Variants in STPG2 observed in about 807,000 individuals in gnomAD.
STPG2 encodes the protein sperm-tail PG-rich repeat-containing protein 2.
In STPG2, 56 loss-of-function variants were observed where a neutral mutation model predicts 54.2. The ratio of observed to expected loss-of-function variants is 1.03; its 90% CI spans 0.83 to 1.29. STPG2 has a LOEUF of 1.29. Ranked by LOEUF, STPG2 falls within the 50% of genes most tolerant of loss-of-function variation. The pLI, the probability that STPG2 is intolerant of heterozygous loss-of-function variation, is 0.00. For synonymous variants in STPG2, 200 were observed against 181.8 expected, an observed-to-expected ratio of 1.10 and a Z score of -0.81; for missense variants, 596 against 544.9, an observed-to-expected ratio of 1.09 and a Z score of -0.93.
intron 9 of STPG2, among the ~76,000 whole-genome samples, chr4:97,796,803 T>G (rs1197180837): frequency 6.6e-6 from 1 of 151,692 alleles, no homozygotes; most frequent in African/African-American, 2.4e-5. Context: ...GTATGGTCAT[T>G]TTCATGATTC....
chr4:97,943,897 C>T lies in STPG2; in HGVS notation c.1044G>A (p.Met348Ile). 4 of 1,553,656 alleles carry T rather than the reference C, an allele frequency of 2.6e-6. No individual in the cohort carries two copies. The highest frequency in any genetic ancestry group is 1.4e-5 in the African/African-American group (1 of 71,402). The change falls in exon 8 of 11, where the codon ATG becomes ATA. Residue 348 changes from methionine (M) to isoleucine (I), a missense_variant and splice_region_variant. Met to Ile is a conservative substitution (Grantham distance 10). Coordinates refer to ENST00000295268, the MANE Select transcript of STPG2 (RefSeq NM_174952.3). ...RAKRTMKVPD[M>I]VIPAPGSYDV... Reference sequence around the variant, plus strand: ...TATTTGATTGTAGGAGTATTCTTACCATATCTGGTACTTTCATAGTTCTTT... The same window carrying T: ...TATTTGATTGTAGGAGTATTCTTACTATATCTGGTACTTTCATAGTTCTTT...
chr4:98,133,683 G>A (rs917983267), intron 2 of STPG2, among the ~76,000 whole-genome samples: 4 of 151,962 alleles, frequency 2.6e-5, no homozygotes, highest in African/African-American at 7.2e-5. Flanking sequence ...CATTACCATA[G>A]GCTCTATGAT....
chr4:97,577,496 A>G (rs771091766), intron 10 of STPG2, among the ~76,000 whole-genome samples: 5 of 152,178 alleles, frequency 3.3e-5, no homozygotes, highest in African/African-American at 7.2e-5. Context: ...AGAAAAACAA[A>G]TACCGCCTGT....
chr4:97,901,058 TCCTTGTAA>T (rs1365894230), intron 8 of STPG2, among the ~76,000 whole-genome samples: 1 of 152,020 alleles, frequency 6.6e-6, no homozygotes, highest in Non-Finnish European at 1.5e-5. Context: ...AATGCAATTG[TCCTTGTAA>T]CATATTGAAT....
At chr4:97,580,707 C>G (rs1732842941) in intron 10 of STPG2, among the ~76,000 whole-genome samples, 1 of 152,064 alleles carries the variant, frequency 6.6e-6, no homozygotes, top group South Asian at 2.1e-4. Context: ...TAATCCTACT[C>G]TATCCTAGCT....
intron 10 of STPG2, among the ~76,000 whole-genome samples, chr4:97,682,391 C>T (rs553545278): frequency 6.6e-6 from 1 of 151,824 alleles, no homozygotes; most frequent in East Asian, 1.9e-4. Context: ...ACAAAAATTA[C>T]ATCACAAAGA....
At chr4:97,650,146 A>G (rs927319825) in intron 10 of STPG2, among the ~76,000 whole-genome samples, 1 of 152,146 alleles carries the variant, frequency 6.6e-6, no homozygotes, top group Non-Finnish European at 1.5e-5. Context: ...CTCAGGCAGT[A>G]ATGCAAGCAG....
chr4:97,481,570 GTTA>G (rs1730221612), intron 4 of STPG2, among the ~76,000 whole-genome samples: 1 of 151,510 alleles, frequency 6.6e-6, no homozygotes, highest in South Asian at 2.1e-4. Flanking sequence ...AACATGTTTT[GTTA>G]AATGTATCCC....
intron 4 of STPG2, among the ~76,000 whole-genome samples, chr4:97,472,600 TATTA>T (rs1172283797): frequency 4.6e-5 from 7 of 152,186 alleles, no homozygotes; most frequent in African/African-American, 1.4e-4. Context: ...ATAAACTAAT[TATTA>T]ATTATTTTAT....
At chr4:97,534,030 A>G (rs1232781951) in intron 4 of STPG2, among the ~76,000 whole-genome samples, 1 of 152,170 alleles carries the variant, frequency 6.6e-6, no homozygotes, top group Non-Finnish European at 1.5e-5. Context: ...TACAAGCAAC[A>G]TATGAGAGTT....
intron 4 of STPG2, among the ~76,000 whole-genome samples, chr4:97,519,104 T>A (rs1447286507): frequency 5.3e-5 from 8 of 152,246 alleles, no homozygotes; most frequent in Admixed American, 2.6e-4. Flanking sequence ...GGTTTAGATT[T>A]AAGACCGAAT....
intron 10 of STPG2, among the ~76,000 whole-genome samples, chr4:97,642,034 A>C (rs553509475): frequency 6.6e-6 from 1 of 151,526 alleles, no homozygotes; most frequent in Non-Finnish European, 1.5e-5. Context: ...AATAAATCAT[A>C]AAGTTGTTTT....
chr4:97,700,156 T>A (rs1436227520), intron 10 of STPG2, among the ~76,000 whole-genome samples: 1 of 152,178 alleles, frequency 6.6e-6, no homozygotes, highest in African/African-American at 2.4e-5. Flanking sequence ...TCTGCTGTGA[T>A]TCACCTATGG....
chr4:97,541,640 C>CA (rs771858826), intron 4 of STPG2, among the ~76,000 whole-genome samples: 26 of 152,142 alleles, frequency 1.7e-4, no homozygotes, highest in Non-Finnish European at 3.2e-4. Flanking sequence ...TATATGGAAC[C>CA]AAAAAAGAGC....
intron 10 of STPG2, among the ~76,000 whole-genome samples, chr4:97,662,373 CAT>C (rs1722398653): frequency 6.6e-6 from 1 of 151,932 alleles, no homozygotes; most frequent in Non-Finnish European, 1.5e-5. Context: ...AAAAGTCAAA[CAT>C]AAAAAATGCT....
intron 3 of STPG2, among the ~76,000 whole-genome samples, chr4:98,119,935 C>T (rs946665636): frequency 6.6e-6 from 1 of 152,100 alleles, no homozygotes; most frequent in African/African-American, 2.4e-5. Flanking sequence ...TATGGTCAAT[C>T]CTTTTTATGG....
intron 5 of STPG2, among the ~76,000 whole-genome samples, chr4:98,037,359 A>G (rs1736809256): frequency 6.6e-6 from 1 of 152,110 alleles, no homozygotes; most frequent in South Asian, 2.1e-4. Context: ...AAATTAAGGG[A>G]GACAAGTCTT....
intron 9 of STPG2, among the ~76,000 whole-genome samples, chr4:97,800,444 C>T (rs775283078): frequency 1.6e-3 from 243 of 152,340 alleles, no homozygotes; most frequent in Non-Finnish European, 2.9e-3. Flanking sequence ...TGCTGGAGAT[C>T]CACTCCAGAC....
chr4:98,002,866 A>T (rs1472472520), intron 5 of STPG2, among the ~76,000 whole-genome samples: 2 of 152,110 alleles, frequency 1.3e-5, no homozygotes, highest in Non-Finnish European at 2.9e-5. Flanking sequence ...AGTACTTTTT[A>T]AAAAATGTTT....
Sources: allele counts gnomAD v4.1 joint callset (sites outside exome capture counted in the v4.1 genomes callset), GRCh38; gene constraint gnomAD v4.1.1; transcripts MANE v1.5; gene names NCBI Gene and HGNC (gene_info 2026-07-23, HGNC 2026-07-21).